The following KCNIP4 variants were observed in gnomAD, a reference collection of about 807,000 sequenced individuals.
The protein encoded by KCNIP4 is Kv channel-interacting protein 4.
A neutral mutation model predicts 34.0 loss-of-function variants in KCNIP4; 12 were observed. That is an observed-to-expected ratio of 0.35 (90% CI 0.23 to 0.57). KCNIP4 has a LOEUF of 0.57. Among genes scored for constraint, KCNIP4 ranks in the 20% least tolerant of loss-of-function variants. The pLI, the probability that KCNIP4 is intolerant of heterozygous loss-of-function variation, is 0.83. For missense variants in KCNIP4, 238 were observed against 311.7 expected (o/e 0.76, Z 1.78); for synonymous variants, 124 against 102.2 (o/e 1.21, Z -1.29).
chr4:20,798,738 C>A (rs568495694), intron 3 of KCNIP4, among the ~76,000 whole-genome samples: 3 of 152,272 alleles, frequency 2.0e-5, no homozygotes, highest in African/African-American at 7.2e-5. Flanking sequence ...AGGGAGGACT[C>A]CTTTCTGCAG....
chr4:21,357,970 C>A (rs1333911366), intron 1 of KCNIP4, among the ~76,000 whole-genome samples: 1 of 152,104 alleles, frequency 6.6e-6, no homozygotes, highest in African/African-American at 2.4e-5. Context: ...ACATATACAC[C>A]ATGGAATACT....
intron 1 of KCNIP4, among the ~76,000 whole-genome samples, chr4:21,366,573 A>C (rs1243093669): frequency 6.6e-6 from 1 of 152,236 alleles, no homozygotes; most frequent in African/African-American, 2.4e-5. Context: ...AGCTAGCTCA[A>C]GAAGGTGAAA....
intron 1 of KCNIP4, among the ~76,000 whole-genome samples, chr4:21,197,695 A>G (rs527530964): frequency 6.6e-6 from 1 of 152,304 alleles, no homozygotes; most frequent in African/African-American, 2.4e-5. Context: ...TTCCTGGTAC[A>G]TATTAAATGC....
chr4:21,737,249 C>T (rs940909862), intron 1 of KCNIP4, among the ~76,000 whole-genome samples: 2 of 152,158 alleles, frequency 1.3e-5, no homozygotes, highest in Non-Finnish European at 2.9e-5. Context: ...TCTCATCATT[C>T]ACATCAAACC....
At chr4:21,346,789 C>T (rs1402833847) in intron 1 of KCNIP4, among the ~76,000 whole-genome samples, 1 of 151,950 alleles carries the variant, frequency 6.6e-6, no homozygotes, top group African/African-American at 2.4e-5. Context: ...TCAGACCACA[C>T]GTACAACAGC....
At chr4:21,456,274 C>A (rs1728947247) in intron 1 of KCNIP4, among the ~76,000 whole-genome samples, 1 of 147,520 alleles carries the variant, frequency 6.8e-6, no homozygotes, top group Non-Finnish European at 1.5e-5. Context: ...TTGCCCTTTC[C>A]AGTTCACCAA....
At chr4:20,743,478 C>T (rs1293474014) in intron 5 of KCNIP4, among the ~76,000 whole-genome samples, 2 of 152,110 alleles carry the variant, frequency 1.3e-5, no homozygotes, top group South Asian at 2.1e-4. Flanking sequence ...CATCTACAAC[C>T]ATCTGATCTT....
At position 20,912,376 on chromosome 4, in the gene KCNIP4, A is replaced by C. The variant is rs1266175916; in HGVS notation, c.62-29667T>G. Among the ~76,000 whole-genome samples, 3 of 152,188 alleles carry C rather than the reference A, an allele frequency of 2.0e-5. No individual in the cohort carries two copies. In the East Asian group the frequency reaches 5.8e-4, roughly 29 times the overall value. Reference sequence around the variant, plus strand: ...AAGATCAATATGCAAAAATAAATTCATTTCTATGTGCTTGCAATGAATAAT... The same window carrying C: ...AAGATCAATATGCAAAAATAAATTCCTTTCTATGTGCTTGCAATGAATAAT... On this transcript the variant is annotated intron_variant, in intron 1 of 8. Transcript: ENST00000382152.
At chr4:20,869,525 C>A (rs956012939) in intron 2 of KCNIP4, among the ~76,000 whole-genome samples, 1 of 151,980 alleles carries the variant, frequency 6.6e-6, no homozygotes, top group Non-Finnish European at 1.5e-5. Flanking sequence ...ACACTAGGAG[C>A]AGAACAGTGC....
intron 1 of KCNIP4, among the ~76,000 whole-genome samples, chr4:21,558,844 C>T (rs955505884): frequency 2.0e-5 from 3 of 152,136 alleles, no homozygotes; most frequent in Non-Finnish European, 2.9e-5. Flanking sequence ...CAAAAAGAGG[C>T]AAGTAGCTTT....
intron 3 of KCNIP4, among the ~76,000 whole-genome samples, chr4:20,846,153 A>G (rs1720343194): frequency 6.6e-6 from 1 of 152,228 alleles, no homozygotes; most frequent in African/African-American, 2.4e-5. Flanking sequence ...GATATATTTG[A>G]TTTTAATGGA....
chr4:21,374,095 G>A (rs1720743642), intron 1 of KCNIP4, among the ~76,000 whole-genome samples: 1 of 147,478 alleles, frequency 6.8e-6, no homozygotes, highest in Non-Finnish European at 1.5e-5. Flanking sequence ...TGTAACAATT[G>A]CAATAGAGAA....
At chr4:21,489,386 G>C (rs1203363583) in intron 1 of KCNIP4, among the ~76,000 whole-genome samples, 1 of 151,170 alleles carries the variant, frequency 6.6e-6, no homozygotes, top group Non-Finnish European at 1.5e-5. Flanking sequence ...TAGGAAGTAG[G>C]GCCTTGCCAT....
intron 1 of KCNIP4, among the ~76,000 whole-genome samples, chr4:21,406,124 T>G (rs949389046): frequency 2.0e-5 from 3 of 152,174 alleles, no homozygotes; most frequent in Non-Finnish European, 2.9e-5. Context: ...CATGAGCCAC[T>G]GTACCTGGCC....
chr4:21,293,856 C>T (rs1185886830), intron 1 of KCNIP4, among the ~76,000 whole-genome samples: 2 of 152,124 alleles, frequency 1.3e-5, no homozygotes, highest in Admixed American at 6.5e-5. Flanking sequence ...GTCTCTGTAG[C>T]TTAATCTTCA....
intron 1 of KCNIP4, among the ~76,000 whole-genome samples, chr4:21,644,710 A>G (rs1746890028): frequency 6.6e-6 from 1 of 152,068 alleles, no homozygotes; most frequent in Non-Finnish European, 1.5e-5. Flanking sequence ...ACATTTAGTA[A>G]TTTATTTATA....
chr4:21,649,733 C>G (rs1168990531), intron 1 of KCNIP4, among the ~76,000 whole-genome samples: 1 of 152,138 alleles, frequency 6.6e-6, no homozygotes, highest in South Asian at 2.1e-4. Context: ...AACTTGAAGC[C>G]TTGCAAAGTG....
At chr4:21,019,291 G>C (rs146143733) in intron 1 of KCNIP4, among the ~76,000 whole-genome samples, 1 of 152,058 alleles carries the variant, frequency 6.6e-6, no homozygotes, top group African/African-American at 2.4e-5. Flanking sequence ...GAGTAGCTGG[G>C]ATTACAGGCG....
intron 1 of KCNIP4, among the ~76,000 whole-genome samples, chr4:21,866,328 G>C (rs1030689400): frequency 2.0e-5 from 3 of 152,120 alleles, no homozygotes; most frequent in East Asian, 1.9e-4. Context: ...CTCTGAGGAG[G>C]ACCAGGGTCA....
Sources: allele counts gnomAD v4.1 joint callset (sites outside exome capture counted in the v4.1 genomes callset), GRCh38; gene constraint gnomAD v4.1.1; transcripts MANE v1.5; gene names NCBI Gene and HGNC (gene_info 2026-07-23, HGNC 2026-07-21).